The following CRTAC1 variants were observed in gnomAD, a reference collection of about 807,000 sequenced individuals.
The protein encoded by CRTAC1 is cartilage acidic protein 1, also known as acidic secreted protein in cartilage.
In CRTAC1, 37 loss-of-function variants were observed where a neutral mutation model predicts 67.8. That is an observed-to-expected ratio of 0.55 (90% CI 0.42 to 0.72). The LOEUF (loss-of-function observed/expected upper bound fraction) is 0.72, where lower values mean the gene tolerates loss of function less well. Ranked by LOEUF, CRTAC1 falls within the 30% of genes least tolerant of loss-of-function variation. The pLI is 0.00. For missense variants in CRTAC1, 780 were observed against 931.6 expected (o/e 0.84, Z 2.12); for synonymous variants, 348 against 371.0 (o/e 0.94, Z 0.71).
At chr10:97,969,394 G>GCAGC (rs887486743) in intron 2 of CRTAC1, among the ~76,000 whole-genome samples, 1 of 152,144 alleles carries the variant, frequency 6.6e-6, no homozygotes, top group African/African-American at 2.4e-5. Context: ...TGGGGACAGG[G>GCAGC]CAGCCACTCC....
intron 11 of CRTAC1, among the ~76,000 whole-genome samples, chr10:97,888,933 A>G (rs1366764719): frequency 6.6e-6 from 1 of 152,128 alleles, no homozygotes; most frequent in Non-Finnish European, 1.5e-5. Context: ...GATGGTGGGA[A>G]TACAGTTGGT....
intron 5 of CRTAC1, among the ~76,000 whole-genome samples, chr10:97,913,114 CAGAG>C (rs71488844): frequency 0.024 from 3,599 of 149,310 alleles, 141 homozygotes; most frequent in African/African-American, 0.081. Context: ...GGAATGGGCA[CAGAG>C]AGAGAGAGAG....
chr10:97,873,825 G>T (rs574788104), intron 14 of CRTAC1, among the ~76,000 whole-genome samples: 1 of 152,136 alleles, frequency 6.6e-6, no homozygotes, highest in Non-Finnish European at 1.5e-5. Flanking sequence ...TCCATCTGCC[G>T]CACCCTTCTC....
intron 3 of CRTAC1, among the ~76,000 whole-genome samples, chr10:97,933,147 C>A (rs899800782): frequency 6.6e-6 from 1 of 152,256 alleles, no homozygotes; most frequent in African/African-American, 2.4e-5. Context: ...CAGCTGGGCC[C>A]AAGGAAGTGC....
chr10:97,876,945 G>GTTT (rs71007368), intron 14 of CRTAC1, among the ~76,000 whole-genome samples: 33 of 53,426 alleles, frequency 6.2e-4, no homozygotes, highest in Admixed American at 1.2e-3. Context: ...AGGAGGCTCT[G>GTTT]TTTTTTTTTT....
chr10:97,987,800 C>T (rs2052007180), intron 2 of CRTAC1, among the ~76,000 whole-genome samples: 1 of 152,168 alleles, frequency 6.6e-6, no homozygotes, highest in Non-Finnish European at 1.5e-5. Flanking sequence ...GAATGAGTGA[C>T]TATGTCATGA....
At chr10:97,923,477 G>T in intron 3 of CRTAC1, 77 bp from the exon 4 acceptor site, 2 of 1,577,564 alleles carry the variant, frequency 1.3e-6, no homozygotes, top group South Asian at 1.1e-5. Context: ...ATGTCTCATG[G>T]CACCTTTCAC....
At chr10:97,956,438 C>A (rs1479978660) in intron 2 of CRTAC1, among the ~76,000 whole-genome samples, 1 of 152,150 alleles carries the variant, frequency 6.6e-6, no homozygotes, top group East Asian at 1.9e-4. Flanking sequence ...ATCCGGCACA[C>A]AATTATACTC....
chr10:98,019,929 G>A (rs1843081553), intron 1 of CRTAC1, among the ~76,000 whole-genome samples: 1 of 152,184 alleles, frequency 6.6e-6, no homozygotes, highest in Admixed American at 6.5e-5. Flanking sequence ...TATTCGCTGG[G>A]CCCCTTCAAA....
At chr10:97,916,800 T>C (rs181573542) in intron 5 of CRTAC1, among the ~76,000 whole-genome samples, 1 of 152,352 alleles carries the variant, frequency 6.6e-6, no homozygotes, top group Non-Finnish European at 1.5e-5. Flanking sequence ...AAACAGGAAC[T>C]GGATTGCTCT....
rs2050449093 is a variant in CRTAC1, at chr10:97,895,803, C to G, written c.1317+82G>C. The G allele has an allele frequency of 3.7e-5, 45 of 1,201,188 alleles. No individual in the cohort carries two copies. The highest frequency in any genetic ancestry group is 5.2e-5 in the Non-Finnish European group (43 of 823,488). The allele number at this position is 1,201,188 out of a possible 1,614,324, so 74.4% of individuals were successfully genotyped here. On this transcript the variant is annotated intron_variant, in intron 10 of 14. Transcript: ENST00000370597. This position sits in a 1 kb window ranked among gnomAD's most constrained non-coding sequence, Gnocchi z 4.2. ...ACCCACCATGCTGGCCAAGCCAGCA[C>G]CCCGGCACCTTGCCCTCACCAACTC...
chr10:97,991,626 T>C (rs1041265685), intron 2 of CRTAC1, among the ~76,000 whole-genome samples: 63 of 152,276 alleles, frequency 4.1e-4, no homozygotes, highest in Middle Eastern at 3.4e-3. Flanking sequence ...TCAGGTGCTG[T>C]GCTAAGCAAT....
intron 5 of CRTAC1, among the ~76,000 whole-genome samples, chr10:97,912,726 C>G (rs1488881420): frequency 6.6e-6 from 1 of 152,222 alleles, no homozygotes. Flanking sequence ...GGTAAAGCCT[C>G]TTGCTTCCTG....
intron 2 of CRTAC1, among the ~76,000 whole-genome samples, chr10:97,950,750 C>T (rs1009932904): frequency 6.6e-6 from 1 of 152,146 alleles, no homozygotes; most frequent in Non-Finnish European, 1.5e-5. Flanking sequence ...TTCTGCTAGC[C>T]CAGGGCTCTG....
chr10:97,926,419 G>A (rs1040625229), intron 3 of CRTAC1, among the ~76,000 whole-genome samples: 1 of 152,126 alleles, frequency 6.6e-6, no homozygotes, highest in African/African-American at 2.4e-5. Flanking sequence ...GAGAGAGTTC[G>A]GCAGCAGCTT....
intron 1 of CRTAC1, among the ~76,000 whole-genome samples, chr10:98,019,590 T>G (rs532446282): frequency 6.6e-6 from 1 of 152,314 alleles, no homozygotes; most frequent in South Asian, 2.1e-4. Flanking sequence ...GCCTCCGTCT[T>G]TACTCTGCTC....
At chr10:97,916,654 G>A (rs1322517239) in intron 5 of CRTAC1, among the ~76,000 whole-genome samples, 1 of 152,214 alleles carries the variant, frequency 6.6e-6, no homozygotes, top group African/African-American at 2.4e-5. Flanking sequence ...TGCTGCACAC[G>A]TTGGGATGGG....
chr10:97,912,616 G>A (rs4917791), intron 5 of CRTAC1, among the ~76,000 whole-genome samples: 98,683 of 151,966 alleles, frequency 0.65, 33,851 homozygotes, highest in East Asian at 0.83. Context: ...GTGAGACAGG[G>A]AAAGATGGTG....
chr10:98,012,718 C>T (rs997893913), intron 1 of CRTAC1, among the ~76,000 whole-genome samples: 4 of 152,150 alleles, frequency 2.6e-5, no homozygotes, highest in African/African-American at 4.8e-5. Context: ...CAGAGCCAGA[C>T]GTGATTCAGG....
Sources: gnomAD v4.1 joint callset for allele counts (sites outside exome capture counted in the v4.1 genomes callset) on GRCh38, gnomAD v4.1.1 for gene constraint, Gnocchi (gnomAD v3.1) non-coding constraint, MANE v1.5 for transcripts, NCBI Gene and HGNC (gene_info 2026-07-23, HGNC 2026-07-21) for gene names.